Variants in GLYR1 observed in about 807,000 individuals in gnomAD.
GLYR1 encodes glyoxylate reductase 1 homolog, also known as cytokine-like nuclear factor N-PAC.
In GLYR1, 21 loss-of-function variants were observed where a neutral mutation model predicts 72.7. The observed-to-expected ratio is 0.29, with a 90% CI of 0.20 to 0.42. The LOEUF (loss-of-function observed/expected upper bound fraction) is 0.42, where lower values mean the gene tolerates loss of function less well. Among genes scored for constraint, GLYR1 ranks in the 10% least tolerant of loss-of-function variants. GLYR1 has a pLI of 1.00. For synonymous variants in GLYR1, 392 were observed against 270.2 expected (o/e 1.45, Z -4.42); for missense variants, 594 against 712.1 (o/e 0.83, Z 1.89).
At chr16:4,835,277 A>T (rs1299705136) in intron 3 of GLYR1, among the ~76,000 whole-genome samples, 3 of 152,188 alleles carry the variant, frequency 2.0e-5, no homozygotes, top group Non-Finnish European at 4.4e-5. Flanking sequence ...GTGAAGTGCC[A>T]AGGAATCAAC....
At chr16:4,821,640 C>T (rs1418305306) in intron 7 of GLYR1, 43 bp from the exon 8 acceptor site, 8 of 1,558,262 alleles carry the variant, frequency 5.1e-6, no homozygotes, top group African/African-American at 1.4e-5. Context: ...CTACTGCAGG[C>T]TTAACCAGTC....
At chr16:4,846,848 G>C (rs993042496) in intron 1 of GLYR1, 1 of 324,074 alleles carries the variant, frequency 3.1e-6, no homozygotes, top group South Asian at 3.4e-5. Context: ...GCACCGGCCA[G>C]ATCTCGCAGG....
chr16:4,813,763 C>T lies in GLYR1; in HGVS notation c.1093G>A (p.Ala365Thr), dbSNP rs777565177. The T allele has an allele frequency of 2.0e-5, 32 of 1,610,304 alleles. No homozygotes were observed. In the South Asian group the frequency reaches 2.0e-4, roughly 10 times the overall value. ...KCYVDMSTVDADTVTELAQVI... is the reference protein window; with the variant it reads ...KCYVDMSTVDTDTVTELAQVI... ...TGGGCCAGCTCAGTGACGGTGTCAG[C>T]GTCCACTGTTGACATGTCCACGTAG... Residue 365 changes from alanine to threonine, a missense_variant, in exon 12 of 16, where the codon GCT (alanine) becomes ACT (threonine). Transcript: ENST00000321919.
At position 4,813,720 on chromosome 16, in the gene GLYR1, C is replaced by T; in HGVS notation, c.1119+17G>A. On this transcript the variant is annotated intron_variant, in intron 12 of 15. Coordinates refer to ENST00000321919, the MANE Select transcript of GLYR1 (RefSeq NM_032569.4). ...ATAGAAAAGATGCTGGAGAGCCAGCCCAAGGAAGGCTGCTACCTGGGCCAG... is the reference window on the plus strand; with the variant it reads ...ATAGAAAAGATGCTGGAGAGCCAGCTCAAGGAAGGCTGCTACCTGGGCCAG... 1.3e-6 allele frequency: 2 copies of T among 1,574,456 alleles called. No individual in the cohort carries two copies. Among genetic ancestry groups the T allele is most frequent in the Non-Finnish European group, 1.7e-6 (2 of 1,158,646 alleles).
chr16:4,812,460 G>A (rs955200097), intron 12 of GLYR1, among the ~76,000 whole-genome samples: 2 of 151,936 alleles, frequency 1.3e-5, no homozygotes, highest in Non-Finnish European at 2.9e-5. Flanking sequence ...GTGATGAGAC[G>A]CTGGGGTCTC....
In GLYR1 at chr16:4,804,701, T is replaced by G. The variant is rs1168087894; in HGVS notation, c.*535A>C. The G allele has an allele frequency of 1.2e-5, 2 of 160,344 alleles. No homozygotes were observed. The highest frequency in any genetic ancestry group is 2.8e-5 in the Non-Finnish European group (2 of 72,270). 9.9% of individuals were successfully genotyped at this position (160,344 alleles called of 1,614,324 possible). A position where few individuals can be genotyped will look rare whatever the true frequency, so the allele number is the denominator to read the frequency against. On this transcript the variant is annotated 3_prime_UTR_variant, in exon 16 of 16. Transcript: ENST00000321919. Reference sequence around the variant, plus strand: ...GGTTGGAGGGCCCCAAGGGCCCCTCTGTCTGGAGTCTGTACTGGCTCATCT... The same window carrying G: ...GGTTGGAGGGCCCCAAGGGCCCCTCGGTCTGGAGTCTGTACTGGCTCATCT...
chr16:4,811,823 C>G (rs777494249), intron 13 of GLYR1, 21 bp from the exon 14 acceptor site: 1 of 1,602,644 alleles, frequency 6.2e-7, no homozygotes, highest in Non-Finnish European at 8.5e-7. Context: ...TAAAGACTCA[C>G]GGTCACAGCC....
At chr16:4,814,415 G>A in intron 11 of GLYR1, 122 bp downstream of exon 11, 2 of 744,552 alleles carry the variant, frequency 2.7e-6, no homozygotes, top group Non-Finnish European at 4.8e-6. Context: ...GATGGCCCCT[G>A]ATGGGAAATT....
chr16:4,812,056 C>A lies in GLYR1; in HGVS notation c.1282+30G>T, dbSNP rs765264562. 4 of 1,602,276 alleles carry A rather than the reference C, an allele frequency of 2.5e-6. No homozygotes were observed. In the East Asian group the frequency reaches 8.9e-5, roughly 36 times the overall value. On this transcript the variant is annotated intron_variant, in intron 13 of 15. Transcript: ENST00000321919. ...GAAACAGAGGAGATGTGGCCCCAGG[C>A]TCCAGGCCTGACAGGTGCAGGCGTG...
rs1406202017 is a variant in GLYR1, at chr16:4,803,700, C to T, written c.*1536G>A. 1 of 152,186 alleles carries T rather than the reference C, an allele frequency of 6.6e-6. No individual in the cohort carries two copies. Among genetic ancestry groups the T allele is most frequent in the Non-Finnish European group, 1.5e-5 (1 of 68,044 alleles). 9.4% of individuals were successfully genotyped at this position (152,186 alleles called of 1,614,324 possible). A position where few individuals can be genotyped will look rare whatever the true frequency, so the allele number is the denominator to read the frequency against. ...AGGCATCTTCCCTGCCCTCCCCCCA[C>T]TCGTCTTCTGCAATCCTCTAACCCA... On this transcript the variant is annotated 3_prime_UTR_variant, in exon 16 of 16. Transcript: ENST00000321919.
chr16:4,806,681 T>G (rs1446040977), intron 15 of GLYR1, among the ~76,000 whole-genome samples: 1 of 152,082 alleles, frequency 6.6e-6, no homozygotes, highest in East Asian at 1.9e-4. Flanking sequence ...TATAAGCCAC[T>G]GTGCCTGGCA....
chr16:4,829,595 T>C (rs1179382254), intron 5 of GLYR1, among the ~76,000 whole-genome samples: 2 of 152,004 alleles, frequency 1.3e-5, no homozygotes. Flanking sequence ...CAAGTGATCT[T>C]CTCATCTCAG....
chr16:4,811,540 C>G, intron 14 of GLYR1, 83 bp downstream of exon 14: 1 of 1,530,600 alleles, frequency 6.5e-7, no homozygotes, highest in South Asian at 1.1e-5. Flanking sequence ...GGAGGGGCAT[C>G]TTTCACGCTC....
chr16:4,804,865 TAA>T lies in GLYR1; in HGVS notation c.*369_*370del, dbSNP rs2082878238. 1 of 257,932 alleles carries T rather than the reference TAA, an allele frequency of 3.9e-6. No individual in the cohort carries two copies. The highest frequency in any genetic ancestry group is 2.2e-5 in the African/African-American group (1 of 46,458). 16.0% of individuals were successfully genotyped at this position (257,932 alleles called of 1,614,324 possible). ...TTCCTTGACTGGAAGGGGTTTGAGATAAGACAAGCTCGGAAGAAAAAAAGCCA... is the reference window on the plus strand; with the variant it reads ...TTCCTTGACTGGAAGGGGTTTGAGATGACAAGCTCGGAAGAAAAAAAGCCA... On this transcript the variant is annotated 3_prime_UTR_variant, in exon 16 of 16. Transcript: ENST00000321919.
intron 1 of GLYR1, chr16:4,846,819 C>T (rs1433403885): frequency 1.4e-5 from 4 of 279,546 alleles, no homozygotes; most frequent in Non-Finnish European, 2.7e-5. Context: ...TGCATCGCAA[C>T]CTGGGCTTTG....
intron 5 of GLYR1, among the ~76,000 whole-genome samples, chr16:4,827,154 C>A (rs1170054601): frequency 6.6e-6 from 1 of 152,224 alleles, no homozygotes; most frequent in African/African-American, 2.4e-5. Context: ...TCCATTAATC[C>A]TCACGGGGCA....
In GLYR1 at chr16:4,822,931, G is replaced by T. The variant is rs771445634; in HGVS notation, c.625C>A (p.Pro209Thr). The T allele has an allele frequency of 5.6e-6, 9 of 1,613,834 alleles. No individual in the cohort carries two copies. The highest frequency in any genetic ancestry group is 7.6e-6 in the Non-Finnish European group (9 of 1,179,706). ...AAATGAGGATCTGCATCTTTAACAG[G>T]CTGAAACCAGAAAACAGTGAAATAA... ...AFKWQPTASE[P>T]VKDADPHFHH... The change falls in exon 7 of 16, where the codon CCT becomes ACT. Residue 209 changes from proline to threonine, a missense_variant and splice_region_variant. This residue lies in a region of GLYR1 where 252 missense variants were observed against 211.3 expected (regional missense o/e 1.19). Coordinates refer to ENST00000321919, the MANE Select transcript of GLYR1 (RefSeq NM_032569.4).
In GLYR1 at chr16:4,846,381, T is replaced by C. The variant is rs139917285; in HGVS notation, c.39-171A>G. 2.8e-3 allele frequency among the ~76,000 whole-genome samples: 421 copies of C among 152,344 alleles called. 2 individuals carry two copies. Among genetic ancestry groups the C allele is most frequent in the African/African-American group, 9.4e-3 (391 of 41,576 alleles). On this transcript the variant is annotated intron_variant, in intron 1 of 15. Transcript: ENST00000321919. ...CTCAGAAGTAAAATGCAAAATTGTA[T>C]ACTTATGTGCACAACGCATATCCAT... is the stretch of plus-strand genomic sequence containing the variant.
chr16:4,828,137 T>A (rs1425574755), intron 5 of GLYR1, among the ~76,000 whole-genome samples: 1 of 151,646 alleles, frequency 6.6e-6, no homozygotes, highest in East Asian at 2.0e-4. Flanking sequence ...TGGCGTGATC[T>A]CGGCTCACTT....
Sources: allele counts gnomAD v4.1 joint callset (sites outside exome capture counted in the v4.1 genomes callset), GRCh38; gene constraint gnomAD v4.1.1; regional missense constraint gnomAD v4.1.1; transcripts MANE v1.5; gene names NCBI Gene and HGNC (gene_info 2026-07-23, HGNC 2026-07-21).